RBFOX1: variants seen among roughly 807,000 people sequenced by gnomAD.
The protein encoded by RBFOX1 is RNA binding fox-1 homolog 1.
In RBFOX1, 8 loss-of-function variants were observed where a neutral mutation model predicts 57.7. That is an observed-to-expected ratio of 0.14 (90% CI 0.08 to 0.25). The LOEUF is 0.25. RBFOX1 is among the 10% of genes least tolerant of loss of function. The pLI is 1.00. For missense variants in RBFOX1, 611 were observed against 548.5 expected, an observed-to-expected ratio of 1.11 and a Z score of -1.14; for synonymous variants, 326 against 222.4, an observed-to-expected ratio of 1.47 and a Z score of -4.15.
In RBFOX1 at chr16:6,684,221, A is replaced by C. The variant is rs116115374; in HGVS notation, c.-16+29571A>C. On this transcript the variant is annotated intron_variant, in intron 3 of 15. Transcript: ENST00000550418. ...TGTTTATTAGTTTCTTATGCATGGAACTGGTGGGTTGCTGGTGTTAGAGGC... is the reference window on the plus strand; with the variant it reads ...TGTTTATTAGTTTCTTATGCATGGACCTGGTGGGTTGCTGGTGTTAGAGGC... Among the ~76,000 whole-genome samples, 766 of 152,270 alleles carry C rather than the reference A, an allele frequency of 5.0e-3. 8 individuals carry two copies. Among genetic ancestry groups the C allele is most frequent in the African/African-American group, 0.018 (728 of 41,564 alleles).
intron 4 of RBFOX1, among the ~76,000 whole-genome samples, chr16:7,246,234 C>T (rs114439107): frequency 1.1e-4 from 16 of 152,250 alleles, no homozygotes; most frequent in African/African-American, 3.9e-4. Context: ...TGGAAGGAAT[C>T]CTTAGCCTCT....
intron 1 of RBFOX1, among the ~76,000 whole-genome samples, chr16:6,030,771 A>T (rs767354012): frequency 6.6e-6 from 1 of 152,042 alleles, no homozygotes; most frequent in Non-Finnish European, 1.5e-5. Flanking sequence ...ACTCTTTCTT[A>T]TTTTCTCCTT....
At chr16:6,758,470 C>G (rs113735346) in intron 3 of RBFOX1, among the ~76,000 whole-genome samples, 16 of 152,230 alleles carry the variant, frequency 1.1e-4, no homozygotes, top group African/African-American at 2.9e-4. Context: ...AAATGTTAGA[C>G]AGAGCCTTGG....
chr16:6,777,996 A>T (rs1429822301), intron 3 of RBFOX1, among the ~76,000 whole-genome samples: 1 of 152,172 alleles, frequency 6.6e-6, no homozygotes, highest in Non-Finnish European at 1.5e-5. Flanking sequence ...TAAAACTCAT[A>T]TAAATATACA....
rs145196262 is a variant in RBFOX1, at chr16:6,809,082, T to C, written c.-16+154432T>C. 8.9e-4 allele frequency among the ~76,000 whole-genome samples: 135 copies of C among 152,302 alleles called. 1 individual carries two copies. The highest frequency in any genetic ancestry group is 3.2e-3 in the African/African-American group (132 of 41,560). The stretch of plus-strand genomic sequence containing the variant: ...CCAGCCGCCATACTTCAACCACCCA[T>C]AGACTGCTAAGTGTTCAAAAAAGGC... On this transcript the variant is annotated intron_variant, in intron 3 of 15. Coordinates refer to ENST00000550418, the MANE Select transcript of RBFOX1 (RefSeq NM_018723.4).
At chr16:6,327,111 C>G in intron 2 of RBFOX1, among the ~76,000 whole-genome samples, 1 of 152,138 alleles carries the variant, frequency 6.6e-6, no homozygotes, top group South Asian at 2.1e-4. Context: ...CACTGTCGTT[C>G]CTTCTCCACT....
At chr16:7,676,371 G>C (rs2073273655) in intron 13 of RBFOX1, among the ~76,000 whole-genome samples, 1 of 152,098 alleles carries the variant, frequency 6.6e-6, no homozygotes, top group Admixed American at 6.5e-5. Context: ...AGAACTGTTT[G>C]AATAAAATTT....
rs574355930 is a variant in RBFOX1 at position 5,488,985 on chromosome 16, GT to G, written c.258+21733del. On this transcript the variant is annotated intron_variant, in intron 2 of 2. Coordinates refer to the RBFOX1 transcript ENST00000585867. ...TACATCTCATTTAGTCTTTGCAAGT[GT>G]TCTGGTAAATTCCCTTTCTGTCATT... is the stretch of plus-strand genomic sequence containing the variant. Among the ~76,000 whole-genome samples the G allele has an allele frequency of 3.0e-3, 450 of 152,336 alleles. 2 individuals are homozygous for G. The highest frequency in any genetic ancestry group is 0.014 in the Middle Eastern group (4 of 294).
At chr16:6,304,841 T>C (rs930532582) in intron 1 of RBFOX1, among the ~76,000 whole-genome samples, 3 of 126,180 alleles carry the variant, frequency 2.4e-5, no homozygotes, top group African/African-American at 9.9e-5. Context: ...CCACTGACTA[T>C]ACTCCAGACT....
At chr16:6,348,568 C>G (rs566489810) in intron 2 of RBFOX1, among the ~76,000 whole-genome samples, 3 of 152,168 alleles carry the variant, frequency 2.0e-5, no homozygotes, top group African/African-American at 4.8e-5. Flanking sequence ...TGGTTCTGCA[C>G]GCTGTACAGG....
intron 13 of RBFOX1, among the ~76,000 whole-genome samples, chr16:7,667,865 G>A (rs1318500549): frequency 2.6e-5 from 4 of 151,972 alleles, no homozygotes; most frequent in African/African-American, 9.7e-5. Flanking sequence ...GTAAAGACAG[G>A]ATTTCACCAT....
intron 2 of RBFOX1, among the ~76,000 whole-genome samples, chr16:5,535,329 T>C (rs1312483082): frequency 1.3e-5 from 2 of 152,146 alleles, no homozygotes; most frequent in Non-Finnish European, 2.9e-5. Context: ...GGTGGGAGTA[T>C]GGTCCATCCT....
At chr16:6,687,432 G>A (rs986773267) in intron 3 of RBFOX1, among the ~76,000 whole-genome samples, 1 of 152,098 alleles carries the variant, frequency 6.6e-6, no homozygotes, top group Non-Finnish European at 1.5e-5. Flanking sequence ...TTACCCAAAG[G>A]CTACTGAAAT....
At chr16:5,972,642 G>C (rs2059986050) in intron 4 of RBFOX1, among the ~76,000 whole-genome samples, 1 of 152,188 alleles carries the variant, frequency 6.6e-6, no homozygotes, top group South Asian at 2.1e-4. Context: ...GCACGTAATG[G>C]ACCAGGAGAT....
At chr16:7,405,363 G>T (rs545512362) in intron 4 of RBFOX1, among the ~76,000 whole-genome samples, 10 of 152,338 alleles carry the variant, frequency 6.6e-5, no homozygotes, top group South Asian at 4.1e-4. Flanking sequence ...AGATGCAGCA[G>T]TTCACTCCAA....
chr16:6,868,797 G>A (rs143054121), intron 3 of RBFOX1, among the ~76,000 whole-genome samples: 4 of 152,128 alleles, frequency 2.6e-5, no homozygotes, highest in East Asian at 1.9e-4. Flanking sequence ...AGGTAATAAG[G>A]TTGCATCTTT....
chr16:6,082,764 G>A (rs115500597), intron 1 of RBFOX1, among the ~76,000 whole-genome samples: 2,391 of 152,216 alleles, frequency 0.016, 57 homozygotes, highest in African/African-American at 0.055. Flanking sequence ...GAGGCAGGAA[G>A]AGAGAATACC....
At chr16:6,027,677 G>A (rs953135202) in intron 1 of RBFOX1, among the ~76,000 whole-genome samples, 4 of 152,138 alleles carry the variant, frequency 2.6e-5, no homozygotes, top group African/African-American at 7.2e-5. Context: ...TAATCATGAC[G>A]ATTACTATTA....
intron 4 of RBFOX1, among the ~76,000 whole-genome samples, chr16:7,387,264 A>G (rs2097900275): frequency 6.6e-6 from 1 of 152,154 alleles, no homozygotes; most frequent in Non-Finnish European, 1.5e-5. Flanking sequence ...TTAGTATAGG[A>G]TTAGTAATAA....
Sources: allele counts gnomAD v4.1 joint callset (sites outside exome capture counted in the v4.1 genomes callset), GRCh38; gene constraint gnomAD v4.1.1; transcripts MANE v1.5; gene names NCBI Gene and HGNC (gene_info 2026-07-23, HGNC 2026-07-21).